RASGRP3: variants seen among roughly 807,000 people sequenced by gnomAD.
RASGRP3 encodes the protein RAS guanyl releasing protein 3, also known as ras guanyl-releasing protein 3.
RASGRP3 carries 54 observed loss-of-function variants against 82.7 expected under a neutral mutation model. The ratio of observed to expected loss-of-function variants is 0.65; its 90% confidence interval spans 0.52 to 0.82. RASGRP3 has a LOEUF of 0.82. Ranked by LOEUF, RASGRP3 falls within the 40% of genes least tolerant of loss-of-function variation. The probability of loss-of-function intolerance (pLI) is 0.00; values close to 1 mark genes in which losing one functional copy is unlikely to be tolerated. For synonymous variants in RASGRP3, 309 were observed against 300.5 expected, an observed-to-expected ratio of 1.03 and a Z score of -0.29; for missense variants, 861 against 828.9, an observed-to-expected ratio of 1.04 and a Z score of -0.48.
intron 1 of RASGRP3, among the ~76,000 whole-genome samples, chr2:33,480,659 C>T (rs1174459192): frequency 2.6e-5 from 4 of 152,300 alleles, no homozygotes; most frequent in African/African-American, 9.6e-5. Flanking sequence ...GATACAATGC[C>T]TATTTTGTTT....
At chr2:33,521,272 A>C (rs1429947419) in intron 6 of RASGRP3, among the ~76,000 whole-genome samples, 1 of 152,184 alleles carries the variant, frequency 6.6e-6, no homozygotes, top group Admixed American at 6.5e-5. Flanking sequence ...TAACCGGTGC[A>C]ATTAGGCCAC....
intron 1 of RASGRP3, among the ~76,000 whole-genome samples, chr2:33,439,979 C>T (rs372447636): frequency 5.5e-4 from 84 of 152,166 alleles, no homozygotes; most frequent in African/African-American, 1.9e-3. Context: ...AACAAACTGA[C>T]GCGTTTTGCA....
intron 9 of RASGRP3, among the ~76,000 whole-genome samples, chr2:33,525,986 T>C (rs1378940869): frequency 6.6e-6 from 1 of 152,218 alleles, no homozygotes; most frequent in African/African-American, 2.4e-5. Context: ...TCTCTCCTAA[T>C]TGGGCTGTAT....
At chr2:33,465,697 T>G (rs2150906434) in intron 2 of RASGRP3, among the ~76,000 whole-genome samples, 1 of 152,312 alleles carries the variant, frequency 6.6e-6, no homozygotes, top group Middle Eastern at 3.4e-3. Context: ...GAAGAAGATG[T>G]CATCTAGGAC....
At position 33,553,429 on chromosome 2, in the gene RASGRP3, G is replaced by C. The variant is rs148295893; in HGVS notation, c.1543-2102G>C. On this transcript the variant is annotated intron_variant, in intron 14 of 17. Transcript: ENST00000403687. ...CCTAACTGTGCCTTTCACATAGCAAGAGTTCAAGAAATGTTAACTATCATC... is the reference window on the plus strand; with the variant it reads ...CCTAACTGTGCCTTTCACATAGCAACAGTTCAAGAAATGTTAACTATCATC... Among the ~76,000 whole-genome samples the C allele has an allele frequency of 2.9e-3, 444 of 152,284 alleles. 4 individuals are homozygous for C. Among genetic ancestry groups the C allele is most frequent in the African/African-American group, 0.01 (431 of 41,540 alleles).
intron 9 of RASGRP3, among the ~76,000 whole-genome samples, chr2:33,525,937 C>T (rs912547576): frequency 6.6e-6 from 1 of 152,122 alleles, no homozygotes; most frequent in African/African-American, 2.4e-5. Context: ...CTCTGAATAT[C>T]GGAGAGTTTT....
At chr2:33,447,651 C>T (rs1413309903) in intron 1 of RASGRP3, among the ~76,000 whole-genome samples, 4 of 152,086 alleles carry the variant, frequency 2.6e-5, no homozygotes, top group Non-Finnish European at 5.9e-5. Context: ...CCTTGAACTC[C>T]TGATATCAAG....
intron 10 of RASGRP3, chr2:33,532,413 T>C (rs1673182433): frequency 6.6e-6 from 1 of 152,228 alleles, no homozygotes; most frequent in African/African-American, 2.4e-5. Context: ...TCACACATTT[T>C]TTTTTATTGT....
intron 1 of RASGRP3, chr2:33,482,800 G>A (rs1668053108): frequency 6.6e-6 from 1 of 152,238 alleles, no homozygotes; most frequent in African/African-American, 2.4e-5. Flanking sequence ...CATGGCCAGG[G>A]CTTAGAGGTA....
intron 17 of RASGRP3, among the ~76,000 whole-genome samples, chr2:33,561,346 C>T (rs1198121992): frequency 2.6e-5 from 4 of 152,288 alleles, no homozygotes; most frequent in African/African-American, 7.2e-5. Context: ...GGATTACAGA[C>T]GTAAGCCATC....
intron 2 of RASGRP3, among the ~76,000 whole-genome samples, chr2:33,462,401 A>G (rs1393377435): frequency 4.8e-5 from 7 of 146,056 alleles, no homozygotes; most frequent in African/African-American, 1.8e-4. Context: ...TTTTTTTAAG[A>G]CAGAGTCTCG....
At chr2:33,437,223 T>G (rs952516367) in intron 1 of RASGRP3, among the ~76,000 whole-genome samples, 3 of 152,326 alleles carry the variant, frequency 2.0e-5, no homozygotes, top group African/African-American at 7.2e-5. Context: ...TTTCCAAACA[T>G]TCGTTCATTA....
At chr2:33,456,094 G>A (rs538091494) in intron 2 of RASGRP3, among the ~76,000 whole-genome samples, 26 of 152,022 alleles carry the variant, frequency 1.7e-4, no homozygotes, top group Non-Finnish European at 2.2e-4. Flanking sequence ...ACTTTCCTTT[G>A]TTATTTTTGG....
chr2:33,499,557 TCAAAA>T (rs935144690), intron 1 of RASGRP3, among the ~76,000 whole-genome samples: 5 of 152,022 alleles, frequency 3.3e-5, no homozygotes, highest in African/African-American at 7.3e-5. Context: ...GACCCGCATC[TCAAAA>T]CAAAACAAAA....
intron 2 of RASGRP3, among the ~76,000 whole-genome samples, chr2:33,448,451 G>T (rs1051870013): frequency 2.0e-5 from 3 of 152,230 alleles, no homozygotes; most frequent in African/African-American, 7.2e-5. Flanking sequence ...ACAAAATGTG[G>T]CATAGACATG....
chr2:33,442,505 G>C (rs6742570), intron 1 of RASGRP3, among the ~76,000 whole-genome samples: 5,996 of 152,324 alleles, frequency 0.039, 175 homozygotes, highest in African/African-American at 0.08. Flanking sequence ...TCTCTGTTCT[G>C]ATTTCTTGCT....
chr2:33,520,475 C>T (rs1051662111), intron 5 of RASGRP3, 78 bp from the exon 6 acceptor site: 6 of 1,558,134 alleles, frequency 3.9e-6, no homozygotes, highest in Non-Finnish European at 5.3e-6. Flanking sequence ...TAAATGTAGT[C>T]TGTAAAACGG....
rs1676912007 is a variant in RASGRP3, at chr2:33,563,440, A to C, written c.*703A>C. 1 of 152,180 alleles carries C rather than the reference A, an allele frequency of 6.6e-6. No homozygotes were observed. Among genetic ancestry groups the C allele is most frequent in the South Asian group, 2.1e-4 (1 of 4,822 alleles). The allele number at this position is 152,180 out of a possible 1,614,324, so 9.4% of individuals were successfully genotyped here. On this transcript the variant is annotated 3_prime_UTR_variant, in exon 18 of 18. Transcript: ENST00000403687. ...TCTTACCAATTCTGCGTCACTAGGA[A>C]GCTATAGCATGGTCGTGAAAGCTCT...
chr2:33,445,305 C>T (rs904925532), intron 1 of RASGRP3, among the ~76,000 whole-genome samples: 4 of 152,214 alleles, frequency 2.6e-5, no homozygotes, highest in Non-Finnish European at 4.4e-5. Flanking sequence ...GAAATCCTGG[C>T]AATGAGTTGC....
Sources: gnomAD v4.1 joint callset for allele counts (sites outside exome capture counted in the v4.1 genomes callset) on GRCh38, gnomAD v4.1.1 for gene constraint, MANE v1.5 for transcripts, NCBI Gene and HGNC (gene_info 2026-07-23, HGNC 2026-07-21) for gene names.